NYAP2: variants seen among roughly 807,000 people sequenced by gnomAD.
NYAP2 encodes neuronal tyrosine-phosphorylated phosphoinositide-3-kinase adaptor 2.
In NYAP2, 23 loss-of-function variants were observed where a neutral mutation model predicts 50.4. That is an observed-to-expected ratio of 0.46 (90% CI 0.33 to 0.65). The LOEUF (loss-of-function observed/expected upper bound fraction) is 0.65, where lower values mean the gene tolerates loss of function less well. Ranked by LOEUF, NYAP2 falls within the 30% of genes least tolerant of loss-of-function variation. NYAP2 has a pLI of 0.02. For missense variants in NYAP2, 885 were observed against 861.0 expected (o/e 1.03, Z -0.35); for synonymous variants, 394 against 365.2 (o/e 1.08, Z -0.90).
intron 3 of NYAP2, among the ~76,000 whole-genome samples, chr2:225,497,652 T>G (rs1187221344): frequency 6.6e-6 from 1 of 152,218 alleles, no homozygotes; most frequent in Non-Finnish European, 1.5e-5. Flanking sequence ...TGGGGTAAGG[T>G]ATTACTACCT....
intron 4 of NYAP2, among the ~76,000 whole-genome samples, chr2:225,568,806 A>G (rs1692007884): frequency 1.3e-5 from 2 of 152,206 alleles, no homozygotes; most frequent in South Asian, 4.1e-4. Flanking sequence ...TTGAAGAGGT[A>G]ACATTTATGC....
intron 3 of NYAP2, among the ~76,000 whole-genome samples, chr2:225,505,631 C>T (rs1690690279): frequency 6.6e-6 from 1 of 152,154 alleles, no homozygotes; most frequent in African/African-American, 2.4e-5. Flanking sequence ...TCCCTGACAC[C>T]AGATGCATTT....
intron 4 of NYAP2, among the ~76,000 whole-genome samples, chr2:225,518,692 T>C (rs1690987440): frequency 6.7e-6 from 1 of 149,062 alleles, no homozygotes; most frequent in African/African-American, 2.5e-5. Flanking sequence ...AATAACATAT[T>C]ATACATGGCA....
chr2:225,577,157 A>G (rs1692182525), intron 4 of NYAP2, among the ~76,000 whole-genome samples: 1 of 152,188 alleles, frequency 6.6e-6, no homozygotes, highest in Non-Finnish European at 1.5e-5. Flanking sequence ...GTGCTCACAT[A>G]GCTCATTTCA....
Position 225,570,293 on chromosome 2 carries a change from G to T in NYAP2, c.524-11648G>T, listed in dbSNP as rs555663265. ...GCTCAGAAACTCCCTCTCATCAGAT[G>T]TCTAGAGTAGACAAACTCAAAGAGA... On this transcript the variant is annotated intron_variant, in intron 4 of 6. Transcript: ENST00000636099. Among the ~76,000 whole-genome samples, 78 of 152,280 alleles carry T rather than the reference G, an allele frequency of 5.1e-4. 1 individual carries two copies. In the South Asian group the frequency reaches 0.016, roughly 30 times the overall value.
chr2:225,418,881 G>A (rs1695168232), intron 3 of NYAP2, among the ~76,000 whole-genome samples: 1 of 152,190 alleles, frequency 6.6e-6, no homozygotes, highest in South Asian at 2.1e-4. Context: ...TTTTGTTATT[G>A]TATGTGTGTA....
the NYAP2 span, among the ~76,000 whole-genome samples, chr2:225,682,370 T>A: frequency 1.3e-5 from 2 of 152,174 alleles, no homozygotes; most frequent in African/African-American, 4.8e-5. Flanking sequence ...TAAAAGCTGT[T>A]AAAATGAGGA....
chr2:225,556,003 T>C (rs977607272), intron 4 of NYAP2, among the ~76,000 whole-genome samples: 10 of 152,206 alleles, frequency 6.6e-5, no homozygotes, highest in Admixed American at 6.5e-4. Context: ...TAATGTATCA[T>C]ATAATTGACT....
chr2:225,568,850 T>A (rs1692008712), intron 4 of NYAP2, among the ~76,000 whole-genome samples: 2 of 152,174 alleles, frequency 1.3e-5, no homozygotes, highest in Admixed American at 1.3e-4. Context: ...GTCAGCATTG[T>A]ATAGGAGATA....
the NYAP2 span, among the ~76,000 whole-genome samples, chr2:225,676,948 T>C: frequency 6.6e-6 from 1 of 152,164 alleles, no homozygotes; most frequent in Non-Finnish European, 1.5e-5. Flanking sequence ...TGACAAATGA[T>C]ATTGGCATTT....
chr2:225,411,064 T>C (rs1455559275), intron 3 of NYAP2, among the ~76,000 whole-genome samples: 3 of 152,170 alleles, frequency 2.0e-5, no homozygotes, highest in Middle Eastern at 3.2e-3. Context: ...GACATTCACT[T>C]CTACTCACCC....
the NYAP2 span, chr2:225,699,661 C>G: frequency 6.6e-6 from 1 of 151,774 alleles, no homozygotes; most frequent in Non-Finnish European, 1.5e-5. Flanking sequence ...TCATAATCTT[C>G]TGTATGTGAT....
chr2:225,406,057 T>C (rs1207795279), intron 2 of NYAP2, among the ~76,000 whole-genome samples: 3 of 152,000 alleles, frequency 2.0e-5, no homozygotes, highest in Non-Finnish European at 4.4e-5. Flanking sequence ...TATGGAATAC[T>C]TTTATGCATT....
At chr2:225,655,659 C>A (rs1276552643), downstream of NYAP2, among the ~76,000 whole-genome samples, 3 of 152,116 alleles carry the variant, frequency 2.0e-5, no homozygotes, top group Admixed American at 6.6e-5. Flanking sequence ...ATCTCAGCCT[C>A]CTTCTTCAGT....
intron 6 of NYAP2, among the ~76,000 whole-genome samples, chr2:225,637,486 C>T (rs1447143510): frequency 1.3e-5 from 2 of 152,204 alleles, no homozygotes; most frequent in East Asian, 3.9e-4. Flanking sequence ...CACATCTGCT[C>T]TCCTTTCCAG....
At chr2:225,427,463 C>T (rs549046843) in intron 3 of NYAP2, among the ~76,000 whole-genome samples, 8 of 152,252 alleles carry the variant, frequency 5.3e-5, no homozygotes, top group East Asian at 1.9e-4. Context: ...TATTGCTGGA[C>T]GGGTCACTGC....
At chr2:225,459,708 A>G (rs2106153020) in intron 3 of NYAP2, among the ~76,000 whole-genome samples, 1 of 151,936 alleles carries the variant, frequency 6.6e-6, no homozygotes, top group East Asian at 1.9e-4. Flanking sequence ...CAGTGACGTG[A>G]TCTCAGCTTA....
chr2:225,516,380 A>G (rs1690935968), intron 4 of NYAP2, among the ~76,000 whole-genome samples: 1 of 152,182 alleles, frequency 6.6e-6, no homozygotes, highest in Non-Finnish European at 1.5e-5. Context: ...AAAATACTTG[A>G]TAGGTAGTGA....
chr2:225,409,198 T>C, intron 3 of NYAP2, 97 bp downstream of exon 3: 1 of 887,206 alleles, frequency 1.1e-6, no homozygotes, highest in Non-Finnish European at 1.7e-6. Context: ...GAAAAGGTCT[T>C]CCAGAGTCAG....
Sources: allele counts gnomAD v4.1 joint callset (sites outside exome capture counted in the v4.1 genomes callset), GRCh38; gene constraint gnomAD v4.1.1; transcripts MANE v1.5; gene names NCBI Gene and HGNC (gene_info 2026-07-23, HGNC 2026-07-21).